Variants in MTREX observed in about 807,000 individuals in gnomAD.
The protein encoded by MTREX is Mtr4 exosome RNA helicase.
A neutral mutation model predicts 135.4 loss-of-function variants in MTREX; 76 were observed. The ratio of observed to expected loss-of-function variants is 0.56; its 90% CI spans 0.47 to 0.68. MTREX has a LOEUF of 0.68. Among genes scored for constraint, MTREX ranks in the 30% least tolerant of loss-of-function variants. MTREX has a pLI of 0.00. For missense variants in MTREX, 920 were observed against 1,262.1 expected, an observed-to-expected ratio of 0.73 and a Z score of 4.11; for synonymous variants, 404 against 401.6, an observed-to-expected ratio of 1.01 and a Z score of -0.07.
chr5:55,423,618 A>G (rs1031810418), intron 26 of MTREX: 1 of 152,392 alleles, frequency 6.6e-6, no homozygotes, highest in Non-Finnish European at 1.5e-5. Flanking sequence ...GGACTTTACA[A>G]GGTAATTGTT....
At chr5:55,316,456 C>T (rs963034169) in intron 1 of MTREX, among the ~76,000 whole-genome samples, 7 of 152,116 alleles carry the variant, frequency 4.6e-5, no homozygotes, top group African/African-American at 1.4e-4. Context: ...GGCTTCATCC[C>T]CAGGATGCAA....
chr5:55,422,935 C>T lies in MTREX; in HGVS notation c.3029C>T (p.Ala1010Val). The T allele has an allele frequency of 3.1e-6, 5 of 1,614,010 alleles. No individual in the cohort carries two copies. Among genetic ancestry groups the T allele is most frequent in the Non-Finnish European group, 4.2e-6 (5 of 1,179,946 alleles). Residue 1010 changes from alanine (A) to valine (V), a missense_variant, in exon 26 of 27, where the codon GCA (alanine) becomes GTA (valine). Ala to Val is a moderately conservative substitution (Grantham distance 64). Transcript: ENST00000230640. ...GAATTGCTTCGACAAATGTGTCAAG[C>T]AGCAAAAGCCATTGGAAACACTGAG... ...LEELLRQMCQ[A>V]AKAIGNTELE...
intron 25 of MTREX, among the ~76,000 whole-genome samples, chr5:55,422,016 AAAT>A (rs1462357676): frequency 1.3e-4 from 20 of 152,182 alleles, no homozygotes; most frequent in Admixed American, 1.3e-3. Context: ...TAGAAATAAC[AAAT>A]AATTATTATT....
intron 13 of MTREX, among the ~76,000 whole-genome samples, chr5:55,352,704 T>C (rs1261127205): frequency 1.3e-5 from 2 of 152,212 alleles, no homozygotes; most frequent in African/African-American, 4.8e-5. Context: ...CTTATACATA[T>C]ATCCTTTTGT....
chr5:55,343,239 C>A, intron 7 of MTREX, 92 bp from the exon 8 acceptor site: 2 of 1,161,134 alleles, frequency 1.7e-6, no homozygotes, highest in Non-Finnish European at 1.2e-6. Flanking sequence ...GCATTTCTAA[C>A]TATAAAGCTT....
chr5:55,351,067 T>C, intron 13 of MTREX, 38 bp downstream of exon 13: 1 of 1,552,940 alleles, frequency 6.4e-7, no homozygotes, highest in Non-Finnish European at 8.6e-7. Context: ...CCCCATATCA[T>C]GTTGTATGAA....
chr5:55,316,856 C>T (rs944003726), intron 1 of MTREX, among the ~76,000 whole-genome samples: 1 of 152,152 alleles, frequency 6.6e-6, no homozygotes, highest in African/African-American at 2.4e-5. Context: ...TTGCAGACAA[C>T]ATAATTCTAT....
chr5:55,374,169 A>G (rs897556342), intron 16 of MTREX, among the ~76,000 whole-genome samples: 5 of 151,832 alleles, frequency 3.3e-5, no homozygotes, highest in South Asian at 4.2e-4. Flanking sequence ...GAGGCAGGGA[A>G]TTGGATGAAC....
intron 16 of MTREX, 41 bp from the exon 17 acceptor site, chr5:55,378,273 A>T (rs776642541): frequency 3.3e-6 from 5 of 1,531,872 alleles, no homozygotes; most frequent in Non-Finnish European, 4.4e-6. Context: ...TTTAAATAAG[A>T]TGTATAACCT....
At chr5:55,386,122 C>T (rs1165154559) in intron 18 of MTREX, among the ~76,000 whole-genome samples, 1 of 151,974 alleles carries the variant, frequency 6.6e-6, no homozygotes. Context: ...GTATCCAAAC[C>T]GACGAAGAAA....
rs1053081452 is a variant in MTREX at position 55,424,964 on chromosome 5, T to G, written c.*192T>G. On this transcript the variant is annotated 3_prime_UTR_variant, in exon 27 of 27. Transcript: ENST00000230640. ...AAGCATTACATTTTTTTAATAAAAATGTATACAGGTGGGGCACTGTTTTGG... is the reference window on the plus strand; with the variant it reads ...AAGCATTACATTTTTTTAATAAAAAGGTATACAGGTGGGGCACTGTTTTGG... 1.6e-6 allele frequency: 1 copy of G among 642,024 alleles called. No homozygotes were observed. The allele number at this position is 642,024 out of a possible 1,614,324, so 39.8% of individuals were successfully genotyped here. A position where few individuals can be genotyped will look rare whatever the true frequency, so the allele number is the denominator to read the frequency against.
chr5:55,340,060 G>C lies in MTREX; in HGVS notation c.566G>C (p.Ser189Thr), dbSNP rs1222124808. The stretch of plus-strand genomic sequence containing the variant: ...GAAAAGCAGCGTGTAATATTTACCA[G>C]CCCAATTAAGGCTCTGAGTAACCAA... ...LREKQRVIFT[S>T]PIKALSNQKY... The change falls in exon 6 of 27, where the codon AGC (serine) becomes ACC (threonine). Residue 189 changes from serine to threonine, a missense_variant. Physicochemically the swap from Ser to Thr is moderately conservative, Grantham distance 58. Transcript: ENST00000230640. The C allele has an allele frequency of 1.9e-6, 3 of 1,595,994 alleles. No homozygotes were observed.
At position 55,405,566 on chromosome 5, in the gene MTREX, C is replaced by T. The variant is rs1280191828; in HGVS notation, c.2623C>T (p.Arg875Ter). The T allele has an allele frequency of 1.2e-6, 2 of 1,612,422 alleles. No homozygotes were observed. Among genetic ancestry groups the T allele is most frequent in the Non-Finnish European group, 1.7e-6 (2 of 1,179,024 alleles). Residue 875 changes from arginine to a stop codon, truncating the protein, a stop_gained, in exon 22 of 27, where the codon CGA becomes TGA. Transcript: ENST00000230640. LOFTEE classifies it high-confidence loss of function. ...TSSDVIEMKG[R>*]VACEISSADE... is the part of the protein sequence containing the mutation. Reference sequence around the variant, plus strand: ...TTCTGATGTAATAGAGATGAAAGGACGAGTGGCTTGTGAGATAAGCAGGTA... The same window carrying T: ...TTCTGATGTAATAGAGATGAAAGGATGAGTGGCTTGTGAGATAAGCAGGTA...
chr5:55,379,316 C>CTT, intron 18 of MTREX, 121 bp downstream of exon 18: 1 of 582,810 alleles, frequency 1.7e-6, no homozygotes, highest in Non-Finnish European at 2.9e-6. Flanking sequence ...ATAAATTCTG[C>CTT]CATGAGGAAT....
chr5:55,340,271 T>G, intron 6 of MTREX, 87 bp downstream of exon 6: 1 of 1,066,634 alleles, frequency 9.4e-7, no homozygotes, highest in African/African-American at 1.6e-5. Context: ...TTTTATTGGT[T>G]GCTCTACTTA....
In MTREX at chr5:55,387,994, T is replaced by C; in HGVS notation, c.2073T>C (p.Asp691=). ...SNVKPNSGEL[D]PLYVVEVLLR... ...TTTAGCCTAACTCTGGTGAACTGGA[T>C]CCTTTGTATGTAGTAGAAGTACTTC... Residue 691 remains aspartate (D), a synonymous_variant, in exon 19 of 27, where the codon GAT becomes GAC. Transcript: ENST00000230640. The C allele has an allele frequency of 6.3e-7, 1 of 1,597,604 alleles. No individual in the cohort carries two copies. The highest frequency in any genetic ancestry group is 8.6e-7 in the Non-Finnish European group (1 of 1,168,788).
intron 24 of MTREX, among the ~76,000 whole-genome samples, chr5:55,415,392 C>T (rs980379573): frequency 2.6e-5 from 4 of 151,946 alleles, no homozygotes; most frequent in Non-Finnish European, 5.9e-5. Context: ...TCAAAAAATT[C>T]TGATTAAAAT....
chr5:55,404,512 A>G (rs1211478904), intron 21 of MTREX, among the ~76,000 whole-genome samples: 12 of 152,160 alleles, frequency 7.9e-5, no homozygotes, highest in Non-Finnish European at 1.6e-4. Context: ...GGAAATATAG[A>G]TAGTCAAGAG....
chr5:55,350,708 A>T (rs181300859), intron 12 of MTREX, among the ~76,000 whole-genome samples: 54 of 152,354 alleles, frequency 3.5e-4, no homozygotes, highest in African/African-American at 1.3e-3. Flanking sequence ...AAGTATACTT[A>T]CTATATGCCT....
Sources: gnomAD v4.1 joint callset for allele counts (sites outside exome capture counted in the v4.1 genomes callset) on GRCh38, gnomAD v4.1.1 for gene constraint, MANE v1.5 for transcripts, NCBI Gene and HGNC (gene_info 2026-07-23, HGNC 2026-07-21) for gene names.